NOTCH2: variants seen among roughly 807,000 people sequenced by gnomAD.
The protein encoded by NOTCH2 is notch receptor 2.
A neutral mutation model predicts 235.8 loss-of-function variants in NOTCH2; 29 were observed. The ratio of observed to expected loss-of-function variants is 0.12; its 90% confidence interval spans 0.09 to 0.17. The LOEUF (loss-of-function observed/expected upper bound fraction) is 0.17. Among genes scored for constraint, NOTCH2 ranks in the 10% least tolerant of loss-of-function variants. NOTCH2 has a pLI of 1.00. For missense variants in NOTCH2, 2,285 were observed against 3,150.2 expected, an observed-to-expected ratio of 0.73 and a Z score of 6.57; for synonymous variants, 1,086 against 1,141.5, an observed-to-expected ratio of 0.95 and a Z score of 0.98.
At chr1:119,923,357 G>C (rs1013983711) in intron 26 of NOTCH2, among the ~76,000 whole-genome samples, 2 of 152,154 alleles carry the variant, frequency 1.3e-5, no homozygotes, top group African/African-American at 4.8e-5. Context: ...CACTAATAAA[G>C]GGATTTGAGG....
rs587730290 is a variant in NOTCH2 at position 119,948,561 on chromosome 1, G to A, written c.2605C>T (p.Arg869Trp). The A allele has an allele frequency of 7.4e-6, 12 of 1,614,072 alleles. No homozygotes were observed. Among genetic ancestry groups the A allele is most frequent in the Admixed American group, 3.3e-5 (2 of 60,022 alleles). Reference protein sequence around the residue: ...CLCAPGWQGQRCTIDIDECIS... With the variant: ...CLCAPGWQGQWCTIDIDECIS... Reference sequence around the variant, plus strand: ...CACTCGTCAATGTCAATGGTACACCGCTGACCTAGGAACACAGGGCCAATA... The same window carrying A: ...CACTCGTCAATGTCAATGGTACACCACTGACCTAGGAACACAGGGCCAATA... Residue 869 changes from arginine (R) to tryptophan (W), a missense_variant, in exon 17 of 34, where the codon CGG becomes TGG. Arg to Trp is a moderately radical substitution (Grantham distance 101). Coordinates refer to ENST00000256646, the MANE Select transcript of NOTCH2 (RefSeq NM_024408.4).
chr1:119,920,161 C>G, intron 30 of NOTCH2, 68 bp downstream of exon 30: 1 of 1,585,902 alleles, frequency 6.3e-7, no homozygotes, highest in Non-Finnish European at 8.6e-7. Context: ...AGGGCAAACA[C>G]AGGGACAACA....
intron 22 of NOTCH2, among the ~76,000 whole-genome samples, chr1:119,930,890 A>G (rs1356458637): frequency 6.6e-6 from 1 of 151,790 alleles, no homozygotes; most frequent in African/African-American, 2.4e-5. Flanking sequence ...CGAGGTCAGG[A>G]GATCGAGACC....
chr1:119,947,297 A>C (rs1338675654), intron 17 of NOTCH2, among the ~76,000 whole-genome samples: 1 of 152,204 alleles, frequency 6.6e-6, no homozygotes, highest in Non-Finnish European at 1.5e-5. Context: ...TTATTTAAAA[A>C]TACAAAGAAC....
chr1:120,013,976 G>C lies in NOTCH2; in HGVS notation c.156-8388C>G, dbSNP rs587670385. Reference sequence around the variant, plus strand: ...AAAATAGTCTACCACTTGAACTAAAGGTGTATATTCTAAAAAATAACCACA... The same window carrying C: ...AAAATAGTCTACCACTTGAACTAAACGTGTATATTCTAAAAAATAACCACA... On this transcript the variant is annotated intron_variant, in intron 2 of 33. Transcript: ENST00000256646. 9.6e-4 allele frequency among the ~76,000 whole-genome samples: 145 copies of C among 150,260 alleles called. No individual in the cohort carries two copies. The Middle Eastern group carries it at 0.017, about 18-fold the overall frequency.
At chr1:119,935,335 C>T in intron 22 of NOTCH2, 137 bp downstream of exon 22, 1 of 1,596,854 alleles carries the variant, frequency 6.3e-7, no homozygotes, top group South Asian at 1.1e-5. Context: ...GCTTGAATTA[C>T]TAGGATGTAG....
intron 4 of NOTCH2, among the ~76,000 whole-genome samples, chr1:119,987,570 T>C (rs933828861): frequency 3.3e-5 from 5 of 152,140 alleles, no homozygotes; most frequent in Non-Finnish European, 5.9e-5. Flanking sequence ...AGGAAAAATA[T>C]TGAACTTAAA....
intron 1 of NOTCH2, among the ~76,000 whole-genome samples, chr1:120,064,455 A>G (rs1265271646): frequency 6.6e-5 from 10 of 151,460 alleles, no homozygotes; most frequent in African/African-American, 2.4e-4. Flanking sequence ...AAAAAAGAAC[A>G]TAGAAACACA....
chr1:120,043,595 T>C (rs1192721370), intron 1 of NOTCH2, among the ~76,000 whole-genome samples: 1 of 152,174 alleles, frequency 6.6e-6, no homozygotes. Flanking sequence ...ACCACCCACA[T>C]ACCAGCTATG....
At position 119,967,483 on chromosome 1, in the gene NOTCH2, T is replaced by A. The variant is rs782574657; in HGVS notation, c.1403A>T (p.Asp468Val). 6.2e-7 allele frequency: 1 copy of A among 1,614,094 alleles called. No individual in the cohort carries two copies. The highest frequency in any genetic ancestry group is 1.3e-5 in the African/African-American group (1 of 75,050). The change falls in exon 8 of 34, where the codon GAT becomes GTT. Residue 468 changes from aspartate (D) to valine (V), a missense_variant. By Grantham distance (152) the Asp-to-Val change is radical. This residue lies in a region of NOTCH2 where 431 missense variants were observed against 757.8 expected (regional missense o/e 0.57). Coordinates refer to ENST00000256646, the MANE Select transcript of NOTCH2 (RefSeq NM_024408.4). Reference sequence around the variant, plus strand: ...TCCAATCTTATCCAGACAGGTAGCATCATTCTGGCAGGGGTCTGAATGGCA... The same window carrying A: ...TCCAATCTTATCCAGACAGGTAGCAACATTCTGGCAGGGGTCTGAATGGCA... ...NECHSDPCQN[D>V]ATCLDKIGGF...
chr1:119,981,238 C>T (rs1651801377), intron 5 of NOTCH2, among the ~76,000 whole-genome samples: 1 of 146,368 alleles, frequency 6.8e-6, no homozygotes, highest in South Asian at 2.1e-4. Context: ...GATCACCTTC[C>T]TTACCCCACC....
chr1:120,000,544 A>G lies in NOTCH2; in HGVS notation c.416-3212T>C, dbSNP rs1242748216. Among the ~76,000 whole-genome samples, 3 of 146,036 alleles carry G rather than the reference A, an allele frequency of 2.1e-5. 1 individual carries two copies. Among genetic ancestry groups the G allele is most frequent in the African/African-American group, 7.9e-5 (3 of 38,012 alleles). ...CAATACTCCATCTCAAAAAAAAAAA[A>G]AAAAAAAAGGTGATCAGAATCTTGC... On this transcript the variant is annotated intron_variant, in intron 3 of 33. Transcript: ENST00000256646.
In NOTCH2 at chr1:119,968,318, C is replaced by T. The variant is rs587718498; in HGVS notation, c.1109-86G>A. 2.0e-4 allele frequency: 281 copies of T among 1,380,662 alleles called. No homozygotes were observed. The African/African-American group carries it at 3.6e-3, about 18-fold the overall frequency. 85.5% of individuals were successfully genotyped at this position (1,380,662 alleles called of 1,614,324 possible). On this transcript the variant is annotated intron_variant, in intron 6 of 33. Transcript: ENST00000256646. ...TTCTCTTTCACCCAGGAGGGAAAACCTCATGATCAGTTCCTCAGAATCCAA... is the reference window on the plus strand; with the variant it reads ...TTCTCTTTCACCCAGGAGGGAAAACTTCATGATCAGTTCCTCAGAATCCAA...
chr1:119,941,491 G>A (rs370094759), intron 18 of NOTCH2, 35 bp downstream of exon 18: 100 of 1,459,612 alleles, frequency 6.9e-5, no homozygotes, highest in East Asian at 1.6e-4. Flanking sequence ...CCTTTCTCTC[G>A]TAAGATGCTG....
Position 119,925,758 on chromosome 1 carries a change from T to A in NOTCH2, c.4058A>T (p.Lys1353Met). 1 of 1,614,106 alleles carries A rather than the reference T, an allele frequency of 6.2e-7. No homozygotes were observed. ...GGCGGTGTGCACACACTGCTCCCCC[T>A]TCCTACATTTCACTTGTCCACAGCT... is the stretch of plus-strand genomic sequence containing the variant. ...QSSCGQVKCR[K>M]GEQCVHTASG... The change falls in exon 25 of 34, where the codon AAG becomes ATG. Residue 1353 changes from lysine to methionine, a missense_variant. Physicochemically the swap from Lys to Met is moderately conservative, Grantham distance 95. Coordinates refer to ENST00000256646, the MANE Select transcript of NOTCH2 (RefSeq NM_024408.4).
intron 10 of NOTCH2, among the ~76,000 whole-genome samples, chr1:119,964,664 CATG>C: frequency 6.6e-6 from 1 of 152,292 alleles, no homozygotes; most frequent in East Asian, 1.9e-4. Flanking sequence ...AAATTATATG[CATG>C]ATGCCTTTAA....
chr1:120,046,086 T>A (rs1470413944), intron 1 of NOTCH2, among the ~76,000 whole-genome samples: 3 of 149,100 alleles, frequency 2.0e-5, no homozygotes, highest in Middle Eastern at 3.2e-3. Context: ...GGGGTATACA[T>A]TTTTTAAGGG....
At position 119,955,042 on chromosome 1, in the gene NOTCH2, A is replaced by G; in HGVS notation, c.2217T>C (p.Ser739=). The G allele has an allele frequency of 1.2e-6, 2 of 1,613,618 alleles. No individual in the cohort carries two copies. Among genetic ancestry groups the G allele is most frequent in the South Asian group, 1.1e-5 (1 of 91,058 alleles). Residue 739 remains serine, a splice_region_variant and synonymous_variant, in exon 13 of 34, where the codon AGT becomes AGC. Transcript: ENST00000256646. ...CIHGNCTGGL[S]GYKCLCDAGW... ...TATCACATGGGGCAGCTACTCACCCACTGAGACCTCCAGTACAGTTTCCAT... is the reference window on the plus strand; with the variant it reads ...TATCACATGGGGCAGCTACTCACCCGCTGAGACCTCCAGTACAGTTTCCAT...
chr1:119,952,201 C>T (rs1008299591), intron 14 of NOTCH2, among the ~76,000 whole-genome samples: 1 of 152,166 alleles, frequency 6.6e-6, no homozygotes, highest in Non-Finnish European at 1.5e-5. Flanking sequence ...GCAGATTTTA[C>T]ACAATTCCCA....
Sources: allele counts gnomAD v4.1 joint callset (sites outside exome capture counted in the v4.1 genomes callset), GRCh38; gene constraint gnomAD v4.1.1; regional missense constraint gnomAD v4.1.1; transcripts MANE v1.5; gene names NCBI Gene and HGNC (gene_info 2026-07-23, HGNC 2026-07-21).